Variants in TENM1 observed in about 807,000 individuals in gnomAD.
The protein encoded by TENM1 is teneurin-1.
Under a neutral mutation model 174.8 loss-of-function variants are expected in TENM1, and 35 were observed. That is an observed-to-expected ratio of 0.20 (90% confidence interval 0.15 to 0.27). The LOEUF is 0.27. Ranked by LOEUF, TENM1 falls within the 10% of genes least tolerant of loss-of-function variation. TENM1 has a pLI of 1.00. For synonymous variants in TENM1, 781 were observed against 798.7 expected (o/e 0.98, Z 0.37); for missense variants, 1,633 against 2,130.1 (o/e 0.77, Z 4.59).
At chrX:124,420,035 T>G (rs2060633849) in intron 25 of TENM1, among the ~76,000 whole-genome samples, 1 of 112,141 alleles carries the variant, frequency 8.9e-6, no homozygotes, top group African/African-American at 3.2e-5. Context: ...CTTGAGTACT[T>G]GTACTTCTAC....
intron 11 of TENM1, among the ~76,000 whole-genome samples, chrX:124,583,008 C>A (rs955563471): frequency 1.8e-5 from 2 of 112,621 alleles, no homozygotes; most frequent in Non-Finnish European, 3.8e-5. Flanking sequence ...CCCAGGCTTG[C>A]TTAGGTAAAC....
At chrX:124,508,266 G>A (rs2047496593) in intron 18 of TENM1, among the ~76,000 whole-genome samples, 1 of 112,191 alleles carries the variant, frequency 8.9e-6, no homozygotes, top group African/African-American at 3.2e-5. Context: ...ACTGCCCAGT[G>A]GCCTGAAATA....
At chrX:124,660,505 A>T (rs911760966) in intron 6 of TENM1, among the ~76,000 whole-genome samples, 1 of 112,106 alleles carries the variant, frequency 8.9e-6, no homozygotes, top group Non-Finnish European at 1.9e-5. Flanking sequence ...TCTATGGTAT[A>T]TTAAGGAGGC....
chrX:124,597,555 G>T (rs1046399643), intron 11 of TENM1, among the ~76,000 whole-genome samples: 1 of 110,546 alleles, frequency 9.0e-6, no homozygotes, highest in Non-Finnish European at 1.9e-5. Flanking sequence ...ATGGAAGATG[G>T]GTGATAAAAG....
At chrX:124,578,425 A>G (rs2049223463) in intron 11 of TENM1, among the ~76,000 whole-genome samples, 1 of 111,448 alleles carries the variant, frequency 9.0e-6, no homozygotes, top group African/African-American at 3.3e-5. Context: ...TACGGACTCT[A>G]AAGCCTGATT....
chrX:124,966,427 C>A (rs970112940), upstream of TENM1, among the ~76,000 whole-genome samples: 1 of 111,260 alleles, frequency 9.0e-6, no homozygotes, highest in African/African-American at 3.3e-5. Context: ...CTTTGGGAGG[C>A]CGAGGCGGGC....
At chrX:124,727,649 T>C (rs111824423) in intron 4 of TENM1, among the ~76,000 whole-genome samples, 1,411 of 111,140 alleles carry the variant, frequency 0.013, 26 homozygotes, top group African/African-American at 0.043. Flanking sequence ...TTGCACATAA[T>C]TTCATGGATA....
chrX:124,906,186 G>A (rs1159612534), intron 1 of TENM1, among the ~76,000 whole-genome samples: 15 of 111,756 alleles, frequency 1.3e-4, no homozygotes, highest in Admixed American at 1.3e-3. Context: ...CTAACACAGA[G>A]GCTATCTTTA....
chrX:124,433,090 A>C lies in TENM1; in HGVS notation c.4105-10452T>G, dbSNP rs994687655. On this transcript the variant is annotated intron_variant, in intron 23 of 31. Transcript: ENST00000422452. ...AGCTGCCATCTCAGCCCTAAACCAC[A>C]CATCTAGCCTGGCTGCTCTCTTGCT... Among the ~76,000 whole-genome samples the C allele has an allele frequency of 3.6e-5, 4 of 111,821 alleles. No individual in the cohort carries two copies. In the Admixed American group the frequency reaches 3.8e-4, roughly 11 times the overall value.
the TENM1 span, among the ~76,000 whole-genome samples, chrX:125,144,861 C>A: frequency 9.1e-6 from 1 of 110,337 alleles, no homozygotes; most frequent in Non-Finnish European, 1.9e-5. Context: ...CCTCAGCCTC[C>A]CAAGTAGCTG....
chrX:124,382,926 G>A, intron 30 of TENM1, 114 bp from the exon 34 acceptor site: 1 of 337,755 alleles, frequency 3.0e-6, no homozygotes, highest in Non-Finnish European at 4.7e-6. Context: ...ATAGAAGTTA[G>A]GAATAAAACT....
chrX:124,760,644 T>C (rs986576769), intron 3 of TENM1, among the ~76,000 whole-genome samples: 2 of 111,760 alleles, frequency 1.8e-5, no homozygotes. Flanking sequence ...GGCAAGGACT[T>C]CATGACTAAA....
At chrX:125,139,511 A>G in the TENM1 span, among the ~76,000 whole-genome samples, 1 of 111,365 alleles carries the variant, frequency 9.0e-6, no homozygotes, top group Non-Finnish European at 1.9e-5. Context: ...AAAATGATAC[A>G]TTGACAAGTT....
At chrX:124,890,800 A>G (rs1297953651) in intron 3 of TENM1, among the ~76,000 whole-genome samples, 3 of 111,412 alleles carry the variant, frequency 2.7e-5, no homozygotes, top group Admixed American at 9.6e-5. Context: ...AAATAGAACT[A>G]CCATATGCTC....
intron 11 of TENM1, among the ~76,000 whole-genome samples, chrX:124,594,909 T>G (rs2049853679): frequency 8.9e-6 from 1 of 112,239 alleles, no homozygotes; most frequent in African/African-American, 3.2e-5. Context: ...TTAATTCTTT[T>G]TGAGGCTTCA....
At chrX:124,934,065 T>C (rs901796348) in intron 1 of TENM1, among the ~76,000 whole-genome samples, 2 of 112,199 alleles carry the variant, frequency 1.8e-5, no homozygotes, top group Non-Finnish European at 1.9e-5. Context: ...TGTATGTGGA[T>C]TACATATTTT....
chrX:124,454,931 C>T (rs944685379), intron 22 of TENM1, among the ~76,000 whole-genome samples: 6 of 111,773 alleles, frequency 5.4e-5, no homozygotes, highest in Admixed American at 9.6e-5. Context: ...TGCTAACAAG[C>T]GTGTCCTTTT....
intron 11 of TENM1, among the ~76,000 whole-genome samples, chrX:124,578,851 A>G (rs186457396): frequency 2.7e-5 from 3 of 111,434 alleles, no homozygotes; most frequent in Non-Finnish European, 5.7e-5. Context: ...CCTTTCCAAT[A>G]TTTTCCCAAA....
the TENM1 span, among the ~76,000 whole-genome samples, chrX:125,048,486 G>T: frequency 1.8e-5 from 2 of 110,484 alleles, no homozygotes; most frequent in African/African-American, 3.3e-5. Flanking sequence ...TATCTAAATT[G>T]ACTAACAGAA....
Sources: allele counts gnomAD v4.1 joint callset (sites outside exome capture counted in the v4.1 genomes callset), GRCh38; gene constraint gnomAD v4.1.1; transcripts MANE v1.5; gene names NCBI Gene and HGNC (gene_info 2026-07-23, HGNC 2026-07-21).